The following AKAP6 variants were observed in gnomAD, a reference collection of about 807,000 sequenced individuals.
AKAP6 encodes the protein A-kinase anchor protein 6.
AKAP6 carries 58 observed loss-of-function variants against 188.5 expected under a neutral mutation model. The ratio of observed to expected loss-of-function variants is 0.31; its 90% CI spans 0.25 to 0.38. AKAP6 has a LOEUF of 0.38. AKAP6 is among the 10% of genes least tolerant of loss of function. The pLI is 1.00. For missense variants in AKAP6, 2,710 were observed against 2,740.0 expected, an observed-to-expected ratio of 0.99 and a Z score of 0.24; for synonymous variants, 989 against 998.6, an observed-to-expected ratio of 0.99 and a Z score of 0.18.
intron 4 of AKAP6, among the ~76,000 whole-genome samples, chr14:32,548,529 AATAGATAGATAG>A (rs71115083): frequency 0.044 from 6,204 of 142,542 alleles, 168 homozygotes; most frequent in Admixed American, 0.047. Context: ...CTCAAGCTAA[AATAGATAGATAG>A]ATAGATAGAT....
At chr14:32,587,819 C>CT (rs763537106) in intron 5 of AKAP6, among the ~76,000 whole-genome samples, 23 of 152,156 alleles carry the variant, frequency 1.5e-4, no homozygotes, top group Admixed American at 1.4e-3. Context: ...GAGAGCTTCT[C>CT]TATCTGTATA....
chr14:32,372,142 G>T (rs1231152656), intron 1 of AKAP6, among the ~76,000 whole-genome samples: 2 of 152,170 alleles, frequency 1.3e-5, no homozygotes, highest in Non-Finnish European at 2.9e-5. Context: ...GGATGCACAT[G>T]GTCCTGAGGA....
At chr14:32,746,845 T>C (rs2031931692) in intron 11 of AKAP6, among the ~76,000 whole-genome samples, 1 of 152,190 alleles carries the variant, frequency 6.6e-6, no homozygotes, top group African/African-American at 2.4e-5. Context: ...TTTTGTTCCT[T>C]ATTCCATTCT....
intron 12 of AKAP6, among the ~76,000 whole-genome samples, chr14:32,782,036 G>A (rs908686592): frequency 1.3e-5 from 2 of 151,884 alleles, no homozygotes; most frequent in Admixed American, 6.6e-5. Flanking sequence ...ATGGTGGTGC[G>A]CGCCTGTAAT....
At chr14:32,622,251 T>C (rs1210876432) in intron 7 of AKAP6, among the ~76,000 whole-genome samples, 1 of 152,174 alleles carries the variant, frequency 6.6e-6, no homozygotes, top group Non-Finnish European at 1.5e-5. Flanking sequence ...AATGTTGATT[T>C]GATGAGCTTT....
At chr14:32,570,124 CTTTTTT>C (rs60851991) in intron 4 of AKAP6, among the ~76,000 whole-genome samples, 8 of 74,810 alleles carry the variant, frequency 1.1e-4, no homozygotes, top group African/African-American at 3.1e-4. Context: ...TGTGTGGGAA[CTTTTTT>C]TTTTTTTTTT....
At chr14:32,438,188 A>AT (rs1367925133) in intron 2 of AKAP6, among the ~76,000 whole-genome samples, 1 of 152,180 alleles carries the variant, frequency 6.6e-6, no homozygotes. Context: ...TGTTTGGGGC[A>AT]TTGCTCTCCC....
intron 1 of AKAP6, among the ~76,000 whole-genome samples, chr14:32,371,114 A>T (rs569040918): frequency 1.3e-5 from 2 of 152,352 alleles, no homozygotes; most frequent in South Asian, 4.1e-4. Context: ...TCCTAAAAAT[A>T]AATTCTTGTC....
At chr14:32,501,794 C>T (rs1880621613) in intron 2 of AKAP6, among the ~76,000 whole-genome samples, 1 of 152,150 alleles carries the variant, frequency 6.6e-6, no homozygotes, top group African/African-American at 2.4e-5. Flanking sequence ...ATTTGTCCTT[C>T]AACCTCCCCT....
At chr14:32,567,912 A>G (rs913565102) in intron 4 of AKAP6, among the ~76,000 whole-genome samples, 2 of 152,168 alleles carry the variant, frequency 1.3e-5, no homozygotes, top group Admixed American at 1.3e-4. Flanking sequence ...ACTGTAGAAA[A>G]AAGAAAGAAA....
intron 1 of AKAP6, among the ~76,000 whole-genome samples, chr14:32,387,426 G>C (rs1888568150): frequency 6.7e-6 from 1 of 150,002 alleles, no homozygotes. Context: ...TTTGCTGTGG[G>C]TTTGTCATCG....
intron 1 of AKAP6, among the ~76,000 whole-genome samples, chr14:32,350,327 T>C (rs951365023): frequency 2.6e-5 from 4 of 152,184 alleles, no homozygotes; most frequent in African/African-American, 9.7e-5. Context: ...ATGGTATTCT[T>C]CTCAAATATC....
chr14:32,497,380 A>G (rs1157093985), intron 2 of AKAP6, among the ~76,000 whole-genome samples: 1 of 152,158 alleles, frequency 6.6e-6, no homozygotes, highest in Non-Finnish European at 1.5e-5. Flanking sequence ...CTCATGGAGT[A>G]TTTAGAAGTG....
At chr14:32,609,814 G>T (rs1409442569) in intron 7 of AKAP6, among the ~76,000 whole-genome samples, 1 of 151,678 alleles carries the variant, frequency 6.6e-6, no homozygotes, top group Non-Finnish European at 1.5e-5. Flanking sequence ...TGGTTCCACA[G>T]GCTGCCCAAG....
intron 1 of AKAP6, among the ~76,000 whole-genome samples, chr14:32,365,131 C>T (rs1189145489): frequency 1.3e-5 from 2 of 152,196 alleles, no homozygotes; most frequent in Non-Finnish European, 2.9e-5. Flanking sequence ...TGACAGGACA[C>T]AGTGCCATAT....
rs1437559823 is a variant in AKAP6 at position 32,612,367 on chromosome 14, G to A, written c.2730+11575G>A. On this transcript the variant is annotated intron_variant, in intron 7 of 13. Coordinates refer to ENST00000280979, the MANE Select transcript of AKAP6 (RefSeq NM_004274.5). The stretch of plus-strand genomic sequence containing the variant: ...TTTAAAATGTATTTTAGTAAATTTT[G>A]TTTGATTATAATAATATCATGTGTA... Among the ~76,000 whole-genome samples the A allele has an allele frequency of 4.6e-5, 7 of 152,124 alleles. No individual in the cohort carries two copies. The South Asian group carries it at 1.5e-3, about 32-fold the overall frequency.
intron 7 of AKAP6, among the ~76,000 whole-genome samples, chr14:32,625,543 G>T (rs1277771228): frequency 1.3e-5 from 2 of 151,856 alleles, no homozygotes; most frequent in South Asian, 2.1e-4. Flanking sequence ...GTTATTAGTT[G>T]CCCTTAGAAT....
chr14:32,336,150 A>G (rs1886693103), intron 1 of AKAP6, among the ~76,000 whole-genome samples: 1 of 152,004 alleles, frequency 6.6e-6, no homozygotes, highest in African/African-American at 2.4e-5. Flanking sequence ...CTATTAATCT[A>G]CAGATTTGCA....
rs142117629 is a variant in AKAP6 at position 32,575,252 on chromosome 14, C to A, written c.2347-1868C>A. Among the ~76,000 whole-genome samples the A allele has an allele frequency of 1.9e-3, 293 of 152,084 alleles. 1 individual carries two copies. The highest frequency in any genetic ancestry group is 6.7e-3 in the African/African-American group (277 of 41,478). ...GATACCCTGAAGATAGGAGAAGGGG[C>A]AAAATGAATGATCTTGCATGGATTC... On this transcript the variant is annotated intron_variant, in intron 4 of 13. Coordinates refer to ENST00000280979, the MANE Select transcript of AKAP6 (RefSeq NM_004274.5).
Sources: gnomAD v4.1 joint callset for allele counts (sites outside exome capture counted in the v4.1 genomes callset) on GRCh38, gnomAD v4.1.1 for gene constraint, MANE v1.5 for transcripts, NCBI Gene and HGNC (gene_info 2026-07-23, HGNC 2026-07-21) for gene names.